The following ZC3H11A variants were observed in gnomAD, a reference collection of about 807,000 sequenced individuals.
ZC3H11A encodes zinc finger CCCH-type containing 11A.
ZC3H11A carries 22 observed loss-of-function variants against 90.8 expected under a neutral mutation model. That is an observed-to-expected ratio of 0.24 (90% CI 0.17 to 0.35). ZC3H11A has a LOEUF of 0.35. Among genes scored for constraint, ZC3H11A ranks in the 10% least tolerant of loss-of-function variants. ZC3H11A has a pLI of 1.00. For missense variants in ZC3H11A, 701 were observed against 964.9 expected, an observed-to-expected ratio of 0.73 and a Z score of 3.62; for synonymous variants, 294 against 339.8, an observed-to-expected ratio of 0.87 and a Z score of 1.48.
In ZC3H11A at chr1:203,823,488, A is replaced by T. The variant is rs77291589; in HGVS notation, c.174+4799A>T. On this transcript the variant is annotated intron_variant, in intron 4 of 17. Transcript: ENST00000367210. ...TTCCAGACTCCCAGAAGGAAGGCAGATGTTCAGCATTAACCATATTGTTTG... is the reference window on the plus strand; with the variant it reads ...TTCCAGACTCCCAGAAGGAAGGCAGTTGTTCAGCATTAACCATATTGTTTG... 4.9e-4 allele frequency among the ~76,000 whole-genome samples: 74 copies of T among 152,366 alleles called. No individual in the cohort carries two copies. The East Asian group carries it at 0.013, about 26-fold the overall frequency.
At chr1:203,805,618 G>T in intron 2 of ZC3H11A, 1 of 673,520 alleles carries the variant, frequency 1.5e-6, no homozygotes, top group Non-Finnish European at 2.8e-6. Flanking sequence ...AAATGCAAAT[G>T]TATGAAGCAG....
At position 203,847,383 on chromosome 1, in the gene ZC3H11A, A is replaced by C. The variant is rs1688180877; in HGVS notation, c.1242A>C (p.Lys414Asn). The change falls in exon 13 of 18, where the codon AAA becomes AAC. Residue 414 changes from lysine to asparagine, a missense_variant. Transcript: ENST00000367210. ...KTFSEVLAEKKHRQQEAERQK... is the reference protein window; with the variant it reads ...KTFSEVLAEKNHRQQEAERQK... ...TCTCTGAGGTCCTGGCTGAAAAAAA[A>C]CATCGGCAGCAGGAAGCAGAGAGAC... The C allele has an allele frequency of 3.7e-6, 6 of 1,614,022 alleles. No individual in the cohort carries two copies. Among genetic ancestry groups the C allele is most frequent in the African/African-American group, 1.3e-5 (1 of 75,058 alleles).
chr1:203,829,195 C>A (rs1198490628), intron 5 of ZC3H11A: 2 of 531,690 alleles, frequency 3.8e-6, no homozygotes, highest in Non-Finnish European at 6.7e-6. Flanking sequence ...TGAACAGGTA[C>A]TATGCTTCTT....
rs1006684444 is a variant in ZC3H11A at position 203,803,816 on chromosome 1, A to G, written c.-146+800A>G. On this transcript the variant is annotated intron_variant, in intron 2 of 17. Coordinates refer to ENST00000367210, the MANE Select transcript of ZC3H11A (RefSeq NM_001376342.1). The stretch of plus-strand genomic sequence containing the variant: ...GAGATGGAGTTGCTCTGTGTTGCCC[A>G]GGCTGTTCTCAAACTCCTGGGTTCA... Among the ~76,000 whole-genome samples, 8 of 152,284 alleles carry G rather than the reference A, an allele frequency of 5.3e-5. No individual in the cohort carries two copies. The East Asian group carries it at 1.5e-3, about 29-fold the overall frequency.
intron 9 of ZC3H11A, among the ~76,000 whole-genome samples, chr1:203,832,447 G>A (rs1036211335): frequency 2.0e-5 from 3 of 151,584 alleles, no homozygotes; most frequent in Admixed American, 1.3e-4. Context: ...TGCAACCTCC[G>A]CCTCCCAGGT....
In ZC3H11A at chr1:203,849,779, G is replaced by A; in HGVS notation, c.1692G>A (p.Glu564=). The A allele has an allele frequency of 6.2e-7, 1 of 1,613,928 alleles. No individual in the cohort carries two copies. The highest frequency in any genetic ancestry group is 8.5e-7 in the Non-Finnish European group (1 of 1,179,864). ...IQVKRCETMR[E]KHMQKQQERE... is the part of the protein sequence containing the mutation. ...TCAAGAGATGTGAGACCATGAGAGA[G>A]AAGCACATGCAGAAACAGCAGGAGA... The change falls in exon 15 of 18, where the codon GAG becomes GAA. Residue 564 remains glutamate (E), a synonymous_variant. Coordinates refer to ENST00000367210, the MANE Select transcript of ZC3H11A (RefSeq NM_001376342.1).
At chr1:203,810,125 G>T (rs1309040374) in intron 2 of ZC3H11A, among the ~76,000 whole-genome samples, 1 of 151,518 alleles carries the variant, frequency 6.6e-6, no homozygotes. Context: ...AGCTGGAGTG[G>T]TGTTTTTTTT....
chr1:203,820,482 G>GTGTGTGTGTGTGTGTGTGTGTGTGTA (rs1266406820), intron 4 of ZC3H11A, among the ~76,000 whole-genome samples: 2 of 151,852 alleles, frequency 1.3e-5, no homozygotes, highest in Non-Finnish European at 1.5e-5. Context: ...GTGTGTGTGT[G>GTGTGTGTGTGTGTGTGTGTGTGTGTA]TATATTTTGA....
chr1:203,818,121 G>A (rs968945526), intron 3 of ZC3H11A, among the ~76,000 whole-genome samples: 5 of 152,210 alleles, frequency 3.3e-5, no homozygotes, highest in African/African-American at 1.2e-4. Flanking sequence ...TTGCACAACA[G>A]TAGCGTTTTA....
intron 1 of ZC3H11A, chr1:203,800,271 T>A: frequency 9.6e-7 from 1 of 1,040,976 alleles, no homozygotes; most frequent in African/African-American, 1.6e-5. Flanking sequence ...GCAATCTGAA[T>A]GTATCTTTAC....
In ZC3H11A at chr1:203,800,364, T is replaced by A. The variant is rs1290743523; in HGVS notation, c.-1587-1211T>A. ...ACAACTGATGTTTCTGAAAATGAAC[T>A]TGAAAAATGTTAACTACGATTATTC... On this transcript the variant is annotated intron_variant, in intron 1 of 17. Transcript: ENST00000367210. 3.1e-6 allele frequency: 3 copies of A among 960,008 alleles called. No homozygotes were observed. The East Asian group carries it at 7.8e-5, about 25-fold the overall frequency. The allele number at this position is 960,008 out of a possible 1,614,324, so 59.5% of individuals were successfully genotyped here. A position where few individuals can be genotyped will look rare whatever the true frequency, so the allele number is the denominator to read the frequency against.
At position 203,800,612 on chromosome 1, in the gene ZC3H11A, A is replaced by G. The variant is rs1040390800; in HGVS notation, c.-1587-963A>G. On this transcript the variant is annotated intron_variant, in intron 1 of 17. Coordinates refer to ENST00000367210, the MANE Select transcript of ZC3H11A (RefSeq NM_001376342.1). ...CTGAAAATTCCTCAGAGGCAATATA[A>G]TTTTGATAAAATGAAGATTAAAGAT... 18 of 652,452 alleles carry G rather than the reference A, an allele frequency of 2.8e-5. No homozygotes were observed. The East Asian group carries it at 5.7e-4, about 21-fold the overall frequency. 40.4% of individuals were successfully genotyped at this position (652,452 alleles called of 1,614,324 possible).
intron 4 of ZC3H11A, among the ~76,000 whole-genome samples, chr1:203,826,209 A>G (rs1193671773): frequency 6.6e-6 from 1 of 152,166 alleles, no homozygotes; most frequent in Non-Finnish European, 1.5e-5. Context: ...TAGTTCTTTG[A>G]AAGTAACGGT....
At chr1:203,844,115 C>T (rs1687233570) in intron 12 of ZC3H11A, among the ~76,000 whole-genome samples, 1 of 152,130 alleles carries the variant, frequency 6.6e-6, no homozygotes, top group Non-Finnish European at 1.5e-5. Context: ...CTTTGGCCTC[C>T]CAAAGTGCTG....
chr1:203,823,216 A>G (rs1206034799), intron 4 of ZC3H11A, among the ~76,000 whole-genome samples: 1 of 152,202 alleles, frequency 6.6e-6, no homozygotes, highest in Non-Finnish European at 1.5e-5. Flanking sequence ...TTATTGCAGC[A>G]ATAGAGTAAA....
rs1438198367 is a variant in ZC3H11A, at chr1:203,802,536, G to C, written c.-626G>C. 6.6e-6 allele frequency: 1 copy of C among 152,224 alleles called. No individual in the cohort carries two copies. Among genetic ancestry groups the C allele is most frequent in the African/African-American group, 2.4e-5 (1 of 41,366 alleles). The allele number at this position is 152,224 out of a possible 1,614,324, so 9.4% of individuals were successfully genotyped here. A position where few individuals can be genotyped will look rare whatever the true frequency, so the allele number is the denominator to read the frequency against. On this transcript the variant is annotated 5_prime_UTR_variant, in exon 2 of 18. Coordinates refer to ENST00000367210, the MANE Select transcript of ZC3H11A (RefSeq NM_001376342.1). ...ATGCTTTTATTATACAGATAATAAAGATGGGGGAAGGTTTCTGTTTTTTTC... is the reference window on the plus strand; with the variant it reads ...ATGCTTTTATTATACAGATAATAAACATGGGGGAAGGTTTCTGTTTTTTTC...
chr1:203,818,412 C>G (rs1395391690), intron 3 of ZC3H11A, among the ~76,000 whole-genome samples, 158 bp from the exon 4 acceptor site: 1 of 151,988 alleles, frequency 6.6e-6, no homozygotes. Context: ...ATTTGTTGCT[C>G]TCGGTTTGTT....
At chr1:203,800,643 A>G (rs577448752) in intron 1 of ZC3H11A, 67 of 531,272 alleles carry the variant, frequency 1.3e-4, no homozygotes, top group African/African-American at 9.7e-4. Context: ...AAGATTTCAT[A>G]GCTATAACTG....
rs765761791 is a variant in ZC3H11A at position 203,831,690 on chromosome 1, C to G, written c.730C>G (p.Leu244Val). ...TTCTTCAGGAGTTTCCAGTCTTTTA[C>G]TCCACCCTGAGCCCGTTCCAGGTCC... ...EGSSGVSSLL[L>V]HPEPVPGPEK... The change falls in exon 9 of 18, where the codon CTC becomes GTC. Residue 244 changes from leucine (L) to valine (V), a missense_variant. Coordinates refer to ENST00000367210, the MANE Select transcript of ZC3H11A (RefSeq NM_001376342.1). The G allele has an allele frequency of 5.0e-6, 8 of 1,612,914 alleles. No individual in the cohort carries two copies. In the East Asian group the frequency reaches 8.9e-5, roughly 18 times the overall value.
Sources: allele counts gnomAD v4.1 joint callset (sites outside exome capture counted in the v4.1 genomes callset), GRCh38; gene constraint gnomAD v4.1.1; transcripts MANE v1.5; gene names NCBI Gene and HGNC (gene_info 2026-07-23, HGNC 2026-07-21).